The following LRRIQ1 variants were observed in gnomAD, a reference collection of about 807,000 sequenced individuals.
The protein encoded by LRRIQ1 is leucine rich repeats and IQ motif containing 1.
A neutral mutation model predicts 211.9 loss-of-function variants in LRRIQ1; 210 were observed. The ratio of observed to expected loss-of-function variants is 0.99; its 90% CI spans 0.89 to 1.11. The LOEUF is 1.11. LRRIQ1 is among the 50% of genes most tolerant of loss of function. LRRIQ1 has a pLI of 0.00. For missense variants in LRRIQ1, 2,136 were observed against 1,939.5 expected, an observed-to-expected ratio of 1.10 and a Z score of -1.90; for synonymous variants, 699 against 650.1, an observed-to-expected ratio of 1.08 and a Z score of -1.14.
At chr12:85,265,276 T>C (rs1896396662), downstream of LRRIQ1, among the ~76,000 whole-genome samples, 1 of 152,064 alleles carries the variant, frequency 6.6e-6, no homozygotes, top group African/African-American at 2.4e-5. Context: ...GTATTCATTA[T>C]TATTTATCAT....
At chr12:85,174,812 C>A (rs1299353748) in intron 24 of LRRIQ1, among the ~76,000 whole-genome samples, 2 of 150,380 alleles carry the variant, frequency 1.3e-5, no homozygotes, top group African/African-American at 4.9e-5. Context: ...AAAAAATGTT[C>A]CAAAACTAAA....
intron 8 of LRRIQ1, among the ~76,000 whole-genome samples, chr12:85,057,597 G>T (rs1241957639): frequency 6.6e-6 from 1 of 152,032 alleles, no homozygotes; most frequent in Non-Finnish European, 1.5e-5. Context: ...TTATGTCCAT[G>T]ACCACTGTTG....
At chr12:85,220,177 C>T (rs559134614) in intron 24 of LRRIQ1, among the ~76,000 whole-genome samples, 143 of 152,138 alleles carry the variant, frequency 9.4e-4, no homozygotes, top group African/African-American at 3.3e-3. Context: ...ACAACTATGT[C>T]CTCCAAAAAC....
rs1173935140 is a variant in LRRIQ1 at position 85,153,697 on chromosome 12, T to C, written c.4576T>C (p.Ser1526Pro). ...ENKTSSWTPE[S>P]KTSRKSLLKS... is the part of the protein sequence containing the mutation. ...TAAAACTTCTTCCTGGACACCTGAA[T>C]CAAAGACCAGTAGAAAGAGTTTGCT... Residue 1526 changes from serine (S) to proline (P), a missense_variant, in exon 22 of 27, where the codon TCA becomes CCA. Ser to Pro is a moderately conservative substitution (Grantham distance 74, BLOSUM62 -1). Transcript: ENST00000393217. 6.3e-7 allele frequency: 1 copy of C among 1,586,684 alleles called. No individual in the cohort carries two copies. The highest frequency in any genetic ancestry group is 1.2e-5 in the South Asian group (1 of 85,760).
At chr12:85,093,451 C>T (rs1385655161) in intron 11 of LRRIQ1, among the ~76,000 whole-genome samples, 2 of 152,158 alleles carry the variant, frequency 1.3e-5, no homozygotes, top group African/African-American at 4.8e-5. Flanking sequence ...CATCTGTTTG[C>T]ACACGTACGT....
At chr12:85,243,515 A>G (rs1251187069) in intron 26 of LRRIQ1, among the ~76,000 whole-genome samples, 2 of 151,004 alleles carry the variant, frequency 1.3e-5, no homozygotes, top group East Asian at 3.9e-4. Flanking sequence ...ACAATGGTTT[A>G]TATTCTGAAC....
chr12:85,105,520 C>T (rs1017414542), intron 14 of LRRIQ1, among the ~76,000 whole-genome samples: 1 of 151,648 alleles, frequency 6.6e-6, no homozygotes, highest in African/African-American at 2.4e-5. Flanking sequence ...GGATATGTTT[C>T]CATTGATTGC....
chr12:85,251,776 G>T (rs537705384), intron 1 of LRRIQ1, among the ~76,000 whole-genome samples: 2 of 108,928 alleles, frequency 1.8e-5, no homozygotes, highest in South Asian at 2.3e-4. Flanking sequence ...GAGAAGTGGC[G>T]CAAAAAAAAA....
rs942465867 is a variant in LRRIQ1 at position 85,137,118 on chromosome 12, A to G, written c.4210-732A>G. On this transcript the variant is annotated intron_variant, in intron 18 of 26. Coordinates refer to ENST00000393217, the MANE Select transcript of LRRIQ1 (RefSeq NM_001079910.2). Reference sequence around the variant, plus strand: ...TATATATACATATATACTTCAAAATATGTGTTAATGTAATGTATATATTTA... The same window carrying G: ...TATATATACATATATACTTCAAAATGTGTGTTAATGTAATGTATATATTTA... Among the ~76,000 whole-genome samples, 4 of 151,440 alleles carry G rather than the reference A, an allele frequency of 2.6e-5. No individual in the cohort carries two copies. The South Asian group carries it at 8.3e-4, about 31-fold the overall frequency.
intron 19 of LRRIQ1, among the ~76,000 whole-genome samples, chr12:85,145,621 C>G (rs1889838461): frequency 2.0e-5 from 3 of 151,640 alleles, no homozygotes; most frequent in Admixed American, 2.0e-4. Flanking sequence ...CTCCTTTTCC[C>G]CCAAGTTCCA....
intron 19 of LRRIQ1, among the ~76,000 whole-genome samples, chr12:85,142,651 A>G (rs530262756): frequency 7.5e-4 from 114 of 151,540 alleles, no homozygotes; most frequent in Non-Finnish European, 1.5e-3. Flanking sequence ...AACCCTAGTA[A>G]TCACCATTAT....
Position 85,153,014 on chromosome 12 carries a change from T to A in LRRIQ1, c.4420-10T>A. ...TTTACTTCACACTTATTTACTTTTT[T>A]TGTGAAAAGATTCCTGGAAACTTAA... On this transcript the variant is annotated splice_polypyrimidine_tract_variant and intron_variant, in intron 20 of 26. Transcript: ENST00000393217. 1 of 1,535,192 alleles carries A rather than the reference T, an allele frequency of 6.5e-7. No homozygotes were observed. The highest frequency in any genetic ancestry group is 8.9e-7 in the Non-Finnish European group (1 of 1,128,676).
At chr12:85,137,467 C>T (rs1889217542) in intron 18 of LRRIQ1, among the ~76,000 whole-genome samples, 1 of 151,466 alleles carries the variant, frequency 6.6e-6, no homozygotes, top group Admixed American at 6.6e-5. Context: ...TTGATGTTTT[C>T]TTAATTGTGC....
chr12:85,189,728 T>C (rs1165052774), intron 24 of LRRIQ1, among the ~76,000 whole-genome samples: 2 of 149,156 alleles, frequency 1.3e-5, no homozygotes, highest in African/African-American at 4.9e-5. Flanking sequence ...AAATAAGGAA[T>C]TGAATTTCCT....
At chr12:85,169,071 A>G (rs928405256) in intron 24 of LRRIQ1, among the ~76,000 whole-genome samples, 2 of 152,148 alleles carry the variant, frequency 1.3e-5, no homozygotes, top group Non-Finnish European at 2.9e-5. Flanking sequence ...ATCATTTATC[A>G]TTTGTACAAG....
At position 85,254,746 on chromosome 12, in the gene LRRIQ1, T is replaced by G. The variant is rs536391754; in HGVS notation, c.122-8169T>G. Among the ~76,000 whole-genome samples the G allele has an allele frequency of 2.1e-3, 327 of 152,164 alleles. 1 individual carries two copies. The highest frequency in any genetic ancestry group is 3.5e-3 in the Middle Eastern group (1 of 288). ...AGAAGTCTCTAGTATTCTCAGTCTATTTTTGCAAGGTTCAAAGTAGTCACT... is the reference window on the plus strand; with the variant it reads ...AGAAGTCTCTAGTATTCTCAGTCTAGTTTTGCAAGGTTCAAAGTAGTCACT... On this transcript the variant is annotated intron_variant, in intron 1 of 1. Coordinates refer to the LRRIQ1 transcript ENST00000602731.
intron 17 of LRRIQ1, among the ~76,000 whole-genome samples, chr12:85,125,130 G>A (rs1357382625): frequency 6.6e-6 from 1 of 152,032 alleles, no homozygotes; most frequent in African/African-American, 2.4e-5. Context: ...AGTGAGCCGA[G>A]ATCACGCCAC....
intron 24 of LRRIQ1, among the ~76,000 whole-genome samples, chr12:85,173,066 G>T (rs1289811766): frequency 6.6e-6 from 1 of 152,104 alleles, no homozygotes; most frequent in African/African-American, 2.4e-5. Context: ...CCGAGTTCAT[G>T]CCATTGCATT....
chr12:85,236,943 T>G (rs1361833036), intron 26 of LRRIQ1, among the ~76,000 whole-genome samples: 1 of 149,622 alleles, frequency 6.7e-6, no homozygotes, highest in African/African-American at 2.5e-5. Context: ...TAGAGGCAAC[T>G]TAAGAACTCT....
Sources: gnomAD v4.1 joint callset for allele counts (sites outside exome capture counted in the v4.1 genomes callset) on GRCh38, gnomAD v4.1.1 for gene constraint, MANE v1.5 for transcripts, NCBI Gene and HGNC (gene_info 2026-07-23, HGNC 2026-07-21) for gene names.